RBPMS: variants seen among roughly 807,000 people sequenced by gnomAD.
RBPMS encodes RNA-binding protein with multiple splicing.
A neutral mutation model predicts 26.8 loss-of-function variants in RBPMS; 7 were observed. That is an observed-to-expected ratio of 0.26 (90% CI 0.15 to 0.49). The LOEUF is 0.49. Among genes scored for constraint, RBPMS ranks in the 20% least tolerant of loss-of-function variants. The pLI is 0.98. For synonymous variants in RBPMS, 96 were observed against 93.3 expected (o/e 1.03, Z -0.17); for missense variants, 186 against 250.0 (o/e 0.74, Z 1.73).
intron 1 of RBPMS, among the ~76,000 whole-genome samples, chr8:30,457,530 T>G (rs1815354921): frequency 1.3e-5 from 2 of 151,910 alleles, no homozygotes; most frequent in Non-Finnish European, 2.9e-5. Flanking sequence ...GGGTAACTTC[T>G]CAAAATATCT....
At chr8:30,505,810 C>T (rs1362099178) in intron 5 of RBPMS, among the ~76,000 whole-genome samples, 1 of 152,124 alleles carries the variant, frequency 6.6e-6, no homozygotes, top group East Asian at 1.9e-4. Context: ...ACTGTAGATG[C>T]ATTTGTATGC....
intron 1 of RBPMS, among the ~76,000 whole-genome samples, chr8:30,447,679 G>C (rs188363025): frequency 6.6e-6 from 1 of 152,210 alleles, no homozygotes; most frequent in African/African-American, 2.4e-5. Context: ...CCATAACAAA[G>C]GGGAGAAAGT....
At chr8:30,503,729 T>C (rs1820801007) in intron 4 of RBPMS, among the ~76,000 whole-genome samples, 1 of 152,172 alleles carries the variant, frequency 6.6e-6, no homozygotes, top group African/African-American at 2.4e-5. Context: ...CATGAAAACA[T>C]GGGAACTGAG....
At chr8:30,436,613 C>G (rs560589248) in intron 1 of RBPMS, among the ~76,000 whole-genome samples, 1 of 152,296 alleles carries the variant, frequency 6.6e-6, no homozygotes, top group East Asian at 1.9e-4. Context: ...CTATCACTTT[C>G]CTGTATCTAA....
intron 5 of RBPMS, among the ~76,000 whole-genome samples, chr8:30,505,950 C>T (rs928525281): frequency 6.6e-6 from 1 of 152,112 alleles, no homozygotes; most frequent in Non-Finnish European, 1.5e-5. Flanking sequence ...CCTCAGATCT[C>T]AGAGTTCTTT....
At chr8:30,527,667 G>T (rs1388234762) in intron 5 of RBPMS, among the ~76,000 whole-genome samples, 1 of 152,030 alleles carries the variant, frequency 6.6e-6, no homozygotes, top group Non-Finnish European at 1.5e-5. Context: ...CCTGTGCTGG[G>T]CCTCAGCACA....
chr8:30,480,162 TA>T (rs1818125303), intron 4 of RBPMS, among the ~76,000 whole-genome samples: 1 of 152,240 alleles, frequency 6.6e-6, no homozygotes, highest in South Asian at 2.1e-4. Context: ...GCAGTTGGCC[TA>T]AGTGGCTGTG....
intron 1 of RBPMS, among the ~76,000 whole-genome samples, chr8:30,443,125 C>A (rs1347343273): frequency 1.3e-5 from 2 of 152,152 alleles, no homozygotes; most frequent in African/African-American, 4.8e-5. Flanking sequence ...TCACCTCAAG[C>A]CCTGCAGCTT....
intron 6 of RBPMS, among the ~76,000 whole-genome samples, chr8:30,548,279 G>A (rs1458803652): frequency 6.6e-6 from 1 of 152,260 alleles, no homozygotes; most frequent in African/African-American, 2.4e-5. Flanking sequence ...CGCCTCTTAG[G>A]TTTGAGCTCA....
At chr8:30,525,000 T>A (rs1384696147) in intron 5 of RBPMS, among the ~76,000 whole-genome samples, 1 of 152,138 alleles carries the variant, frequency 6.6e-6, no homozygotes, top group African/African-American at 2.4e-5. Flanking sequence ...TATGAAAAAA[T>A]TTAATCTAGA....
intron 6 of RBPMS, chr8:30,556,530 A>G: frequency 3.0e-6 from 3 of 986,378 alleles, no homozygotes; most frequent in Non-Finnish European, 3.6e-6. Context: ...TCTCCTGTGA[A>G]ACACCGTCAC....
At position 30,498,113 on chromosome 8, in the gene RBPMS, T is replaced by C. The variant is rs551813922; in HGVS notation, c.247-6173T>C. ...TTTTTATCCTATAGTAAAAGGCAGT[T>C]TCATCTAGTTCAGTACATATGCCTC... On this transcript the variant is annotated intron_variant, in intron 4 of 8. Transcript: ENST00000397323. Among the ~76,000 whole-genome samples, 4 of 151,566 alleles carry C rather than the reference T, an allele frequency of 2.6e-5. No individual in the cohort carries two copies. The East Asian group carries it at 7.7e-4, about 29-fold the overall frequency.
intron 6 of RBPMS, among the ~76,000 whole-genome samples, chr8:30,551,296 G>T (rs937164109): frequency 6.6e-6 from 1 of 152,218 alleles, no homozygotes; most frequent in South Asian, 2.1e-4. Flanking sequence ...CTGCTACTGA[G>T]GCCCAGGCCT....
chr8:30,502,507 C>T (rs1820666682), intron 4 of RBPMS, among the ~76,000 whole-genome samples: 1 of 152,180 alleles, frequency 6.6e-6, no homozygotes, highest in Non-Finnish European at 1.5e-5. Context: ...AGGAAAGTTG[C>T]TTCTTCACAG....
chr8:30,472,242 A>G (rs922366349), intron 1 of RBPMS, among the ~76,000 whole-genome samples: 1 of 152,236 alleles, frequency 6.6e-6, no homozygotes, highest in African/African-American at 2.4e-5. Flanking sequence ...CTGTTGATAC[A>G]TTCAACAACA....
chr8:30,550,562 A>G, intron 6 of RBPMS, among the ~76,000 whole-genome samples: 1 of 152,194 alleles, frequency 6.6e-6, no homozygotes, highest in Non-Finnish European at 1.5e-5. Flanking sequence ...TGTGGATGAC[A>G]CTAACAGGGG....
At chr8:30,442,604 T>G (rs766562261) in intron 1 of RBPMS, 1 of 152,344 alleles carries the variant, frequency 6.6e-6, no homozygotes, top group Non-Finnish European at 1.5e-5. Context: ...CCTCCAGGGA[T>G]CCGCATCTCT....
chr8:30,443,564 G>A (rs868767236), intron 1 of RBPMS, among the ~76,000 whole-genome samples: 2 of 151,488 alleles, frequency 1.3e-5, no homozygotes, highest in Admixed American at 6.6e-5. Flanking sequence ...CCTTGGGGTC[G>A]GATGTGCTTA....
chr8:30,442,421 T>C (rs181488663), intron 1 of RBPMS, among the ~76,000 whole-genome samples: 144 of 152,284 alleles, frequency 9.5e-4, no homozygotes, highest in Non-Finnish European at 1.2e-3. Context: ...TCTCAGCTCA[T>C]TCCCACTCCT....
Sources: gnomAD v4.1 joint callset for allele counts (sites outside exome capture counted in the v4.1 genomes callset) on GRCh38, gnomAD v4.1.1 for gene constraint, MANE v1.5 for transcripts, NCBI Gene and HGNC (gene_info 2026-07-23, HGNC 2026-07-21) for gene names.